Variants in RPS6KA2 observed in about 807,000 individuals in gnomAD.
RPS6KA2 encodes the protein ribosomal protein S6 kinase alpha-2.
In RPS6KA2, 42 loss-of-function variants were observed where a neutral mutation model predicts 91.8. The observed-to-expected ratio is 0.46, with a 90% confidence interval of 0.36 to 0.59. The LOEUF (loss-of-function observed/expected upper bound fraction) is 0.59, where lower values mean the gene tolerates loss of function less well. Ranked by LOEUF, RPS6KA2 falls within the 20% of genes least tolerant of loss-of-function variation. The probability of loss-of-function intolerance (pLI) is 0.00; values close to 1 mark genes in which losing one functional copy is unlikely to be tolerated. For synonymous variants in RPS6KA2, 414 were observed against 393.6 expected (o/e 1.05, Z -0.61); for missense variants, 798 against 978.5 (o/e 0.82, Z 2.46).
intron 2 of RPS6KA2, among the ~76,000 whole-genome samples, chr6:166,679,140 T>A (rs1156789335): frequency 6.6e-6 from 1 of 152,148 alleles, no homozygotes; most frequent in Non-Finnish European, 1.5e-5. Context: ...ATGTTGCTTT[T>A]TAAGTCACAA....
chr6:166,447,234 C>T (rs543462183), intron 14 of RPS6KA2, among the ~76,000 whole-genome samples: 49 of 152,274 alleles, frequency 3.2e-4, no homozygotes, highest in African/African-American at 1.2e-3. Flanking sequence ...TCTACCATGA[C>T]AGTAACCCTC....
intron 3 of RPS6KA2, among the ~76,000 whole-genome samples, chr6:166,515,125 G>T (rs1468361042): frequency 6.6e-6 from 1 of 152,210 alleles, no homozygotes; most frequent in East Asian, 1.9e-4. Context: ...GAAGGAGGGA[G>T]AGAGGATGCA....
chr6:166,614,836 G>C lies in RPS6KA2; in HGVS notation c.99+12085C>G, dbSNP rs376023076. Among the ~76,000 whole-genome samples, 122 of 152,200 alleles carry C rather than the reference G, an allele frequency of 8.0e-4. 1 individual carries two copies. Among genetic ancestry groups the C allele is most frequent in the Middle Eastern group, 6.8e-3 (2 of 294 alleles). ...AGACCTCCTCTGCCTCCTCTCACGA[G>C]GACTCTTGTGATTACATTTAGGGCC... On this transcript the variant is annotated intron_variant, in intron 1 of 20. Coordinates refer to ENST00000265678, the MANE Select transcript of RPS6KA2 (RefSeq NM_021135.6).
chr6:166,642,459 G>A (rs995855927), intron 2 of RPS6KA2, among the ~76,000 whole-genome samples: 1 of 152,230 alleles, frequency 6.6e-6, no homozygotes, highest in African/African-American at 2.4e-5. Context: ...GTGGACTTAA[G>A]TTGGAATTGA....
intron 11 of RPS6KA2, chr6:166,463,369 C>G (rs577764490): frequency 1.1e-4 from 16 of 152,270 alleles, no homozygotes; most frequent in African/African-American, 3.9e-4. Flanking sequence ...TGCCCTGGAT[C>G]CCCCCTTTCT....
chr6:166,567,026 G>A (rs758882759), intron 1 of RPS6KA2, among the ~76,000 whole-genome samples: 6 of 152,292 alleles, frequency 3.9e-5, no homozygotes, highest in African/African-American at 7.2e-5. Flanking sequence ...TTGCAAATAC[G>A]CTGAAAACAG....
chr6:166,575,882 G>A (rs561620309), intron 1 of RPS6KA2, among the ~76,000 whole-genome samples: 1 of 152,224 alleles, frequency 6.6e-6, no homozygotes, highest in East Asian at 1.9e-4. Context: ...ATGACTTGAG[G>A]TCCCAAATAA....
At chr6:166,619,269 C>T (rs1786537920) in intron 1 of RPS6KA2, among the ~76,000 whole-genome samples, 1 of 152,208 alleles carries the variant, frequency 6.6e-6, no homozygotes, top group Admixed American at 6.5e-5. Context: ...CTATAGTCAC[C>T]ACTTTGATTC....
At chr6:166,678,728 T>C (rs549014450) in intron 2 of RPS6KA2, among the ~76,000 whole-genome samples, 4 of 152,322 alleles carry the variant, frequency 2.6e-5, no homozygotes, top group African/African-American at 7.2e-5. Context: ...TGTCCAACCA[T>C]GGCTGGCAAG....
rs117468528 is a variant in RPS6KA2 at position 166,817,320 on chromosome 6, A to G, written c.123+40880T>C. ...GTGGCTTAGTCTGGCAATTATGTGTATTATGCATAGATCACCACTGTAAGG... is the reference window on the plus strand; with the variant it reads ...GTGGCTTAGTCTGGCAATTATGTGTGTTATGCATAGATCACCACTGTAAGG... On this transcript the variant is annotated intron_variant, in intron 2 of 21. Coordinates refer to the RPS6KA2 transcript ENST00000503859. Among the ~76,000 whole-genome samples the G allele has an allele frequency of 4.2e-4, 64 of 152,292 alleles. No homozygotes were observed. The East Asian group carries it at 0.01, about 25-fold the overall frequency.
chr6:166,661,760 A>C (rs572596374), intron 2 of RPS6KA2, among the ~76,000 whole-genome samples: 40 of 152,244 alleles, frequency 2.6e-4, no homozygotes, highest in Non-Finnish European at 5.0e-4. Flanking sequence ...CATGCTTACA[A>C]AGCCTTTTCT....
At chr6:166,527,829 C>T (rs535431012) in intron 3 of RPS6KA2, among the ~76,000 whole-genome samples, 2 of 152,302 alleles carry the variant, frequency 1.3e-5, no homozygotes, top group Admixed American at 6.5e-5. Context: ...CTGGCTGTTC[C>T]CGCTAAGTAC....
intron 11 of RPS6KA2, chr6:166,460,950 C>G (rs1011066300): frequency 6.6e-6 from 1 of 152,116 alleles, no homozygotes; most frequent in African/African-American, 2.4e-5. Context: ...GGGAGGAGGG[C>G]GTCTGACATC....
intron 2 of RPS6KA2, among the ~76,000 whole-genome samples, chr6:166,714,659 C>T (rs1018581510): frequency 1.0e-3 from 154 of 152,262 alleles, no homozygotes; most frequent in African/African-American, 3.5e-3. Context: ...AAGGAGCACC[C>T]GAACCGCCTG....
chr6:166,689,227 G>A (rs560113447), intron 2 of RPS6KA2, among the ~76,000 whole-genome samples: 3 of 152,342 alleles, frequency 2.0e-5, no homozygotes, highest in Admixed American at 1.3e-4. Context: ...TACCCCTGCA[G>A]AGAAGACTGG....
At chr6:166,779,226 C>T (rs1778705058) in intron 2 of RPS6KA2, among the ~76,000 whole-genome samples, 1 of 152,150 alleles carries the variant, frequency 6.6e-6, no homozygotes, top group Admixed American at 6.5e-5. Flanking sequence ...TGCAACAGAG[C>T]TCTGTCATCA....
In RPS6KA2 at chr6:166,767,774, AACACAC is replaced by A. The variant is rs71639661; in HGVS notation, c.123+90420_123+90425del. ...AAGAACTAAAGACAATACCTCCTCA[AACACAC>A]ACACACACACACACACACACACACA... is the stretch of plus-strand genomic sequence containing the variant. On this transcript the variant is annotated intron_variant, in intron 2 of 21. Transcript: ENST00000503859. The surrounding 1 kb of genome is among the most constrained non-coding windows in gnomAD (Gnocchi z 4.6). Among the ~76,000 whole-genome samples the A allele has an allele frequency of 0.08, 11,777 of 146,734 alleles. 649 individuals carry two copies. The highest frequency in any genetic ancestry group is 0.15 in the African/African-American group (6,008 of 39,860).
intron 1 of RPS6KA2, among the ~76,000 whole-genome samples, chr6:166,573,860 G>A (rs1230816052): frequency 2.6e-5 from 4 of 152,182 alleles, no homozygotes; most frequent in African/African-American, 7.2e-5. Flanking sequence ...AGTTAATAGA[G>A]CATTCAGAGA....
intron 19 of RPS6KA2, among the ~76,000 whole-genome samples, chr6:166,414,531 C>T (rs960904038): frequency 3.3e-5 from 5 of 152,232 alleles, no homozygotes; most frequent in Non-Finnish European, 5.9e-5. Flanking sequence ...CATTCTATTA[C>T]AGTGAATTAC....
Sources: allele counts gnomAD v4.1 joint callset (sites outside exome capture counted in the v4.1 genomes callset), GRCh38; gene constraint gnomAD v4.1.1; non-coding constraint Gnocchi (gnomAD v3.1); transcripts MANE v1.5; gene names NCBI Gene and HGNC (gene_info 2026-07-23, HGNC 2026-07-21).